The following CSMD1 variants were observed in gnomAD, a reference collection of about 807,000 sequenced individuals.
CSMD1 encodes the protein CUB and sushi domain-containing protein 1.
Under a neutral mutation model 417.5 loss-of-function variants are expected in CSMD1, and 213 were observed. That is an observed-to-expected ratio of 0.51 (90% confidence interval 0.46 to 0.57). The LOEUF is 0.57. Ranked by LOEUF, CSMD1 falls within the 20% of genes least tolerant of loss-of-function variation. The pLI is 0.00. For missense variants in CSMD1, 6,923 were observed against 4,529.7 expected, an observed-to-expected ratio of 1.53 and a Z score of -15.17; for synonymous variants, 2,862 against 1,736.8, an observed-to-expected ratio of 1.65 and a Z score of -16.11.
chr8:3,920,216 G>C (rs373177528), intron 5 of CSMD1, among the ~76,000 whole-genome samples: 1 of 151,850 alleles, frequency 6.6e-6, no homozygotes, highest in Non-Finnish European at 1.5e-5. Context: ...CATATTTTTA[G>C]TAAAGACAGG....
Position 4,898,470 on chromosome 8 carries a change from C to G in CSMD1, c.85+95862G>C, listed in dbSNP as rs137975791. Among the ~76,000 whole-genome samples the G allele has an allele frequency of 9.3e-3, 1,409 of 151,460 alleles. 24 individuals are homozygous for G. The highest frequency in any genetic ancestry group is 0.032 in the African/African-American group (1,314 of 40,834). On this transcript the variant is annotated intron_variant, in intron 1 of 69. Transcript: ENST00000635120. ...GGGTGTAGAAAGTGTAAGTGAGAGC[C>G]GACCAAAATCCAAATGCTTGCCTGC...
intron 5 of CSMD1, among the ~76,000 whole-genome samples, chr8:3,807,082 C>T (rs538688484): frequency 6.6e-6 from 1 of 152,182 alleles, no homozygotes; most frequent in South Asian, 2.1e-4. Flanking sequence ...CCATGGCTTC[C>T]CCCACGCACT....
chr8:3,886,548 T>TA (rs1585141253), intron 5 of CSMD1, among the ~76,000 whole-genome samples: 1 of 152,226 alleles, frequency 6.6e-6, no homozygotes, highest in African/African-American at 2.4e-5. Context: ...GACAGCACTT[T>TA]AATGACGAAG....
At chr8:3,416,548 G>A (rs1020161986) in intron 12 of CSMD1, among the ~76,000 whole-genome samples, 12 of 152,158 alleles carry the variant, frequency 7.9e-5, no homozygotes, top group African/African-American at 2.7e-4. Flanking sequence ...AGACATAACT[G>A]TGCCGTCAGA....
chr8:4,535,437 G>C (rs1328757184), intron 2 of CSMD1, among the ~76,000 whole-genome samples: 1 of 152,078 alleles, frequency 6.6e-6, no homozygotes, highest in African/African-American at 2.4e-5. Context: ...TCTGCTTGTA[G>C]ATTTGCTTTG....
intron 12 of CSMD1, 149 bp from the exon 13 acceptor site, chr8:3,409,754 T>G: frequency 5.0e-6 from 3 of 605,078 alleles, no homozygotes; most frequent in South Asian, 2.7e-5. Flanking sequence ...CAATTGATCT[T>G]AAATTTAATT....
At chr8:4,521,285 T>A (rs994353485) in intron 2 of CSMD1, among the ~76,000 whole-genome samples, 1 of 152,158 alleles carries the variant, frequency 6.6e-6, no homozygotes, top group Non-Finnish European at 1.5e-5. Context: ...GAAGGAAGAA[T>A]GAATTTTCCT....
At chr8:3,903,355 C>A (rs1257352917) in intron 5 of CSMD1, among the ~76,000 whole-genome samples, 7 of 151,886 alleles carry the variant, frequency 4.6e-5, no homozygotes, top group African/African-American at 9.7e-5. Flanking sequence ...ACTCAACCTA[C>A]AGGGTTCAAC....
chr8:2,962,657 G>C lies in CSMD1; in HGVS notation c.9455-18C>G. 1 of 1,610,008 alleles carries C rather than the reference G, an allele frequency of 6.2e-7. No homozygotes were observed. Among genetic ancestry groups the C allele is most frequent in the Non-Finnish European group, 8.5e-7 (1 of 1,177,522 alleles). On this transcript the variant is annotated intron_variant, in intron 60 of 69. Transcript: ENST00000635120. Reference sequence around the variant, plus strand: ...GAACACAGCTATGGAAGATAACCAGGAAGAAGTCAGCCTTCAACGTCCCTG... The same window carrying C: ...GAACACAGCTATGGAAGATAACCAGCAAGAAGTCAGCCTTCAACGTCCCTG...
intron 37 of CSMD1, among the ~76,000 whole-genome samples, chr8:3,164,284 G>A (rs139444676): frequency 6.6e-5 from 10 of 152,272 alleles, no homozygotes; most frequent in South Asian, 2.1e-4. Flanking sequence ...GGAGTGCCAC[G>A]AACTTTTTCT....
intron 1 of CSMD1, among the ~76,000 whole-genome samples, chr8:4,652,790 G>T (rs1017027771): frequency 6.6e-6 from 1 of 152,170 alleles, no homozygotes; most frequent in African/African-American, 2.4e-5. Flanking sequence ...TCTGTGAAGG[G>T]TGTGGGGATG....
chr8:4,985,089 T>C (rs372736893), intron 1 of CSMD1, among the ~76,000 whole-genome samples: 8 of 152,296 alleles, frequency 5.3e-5, no homozygotes, highest in African/African-American at 1.9e-4. Context: ...GAGGCCATTA[T>C]CCTTATCAAA....
chr8:4,635,141 T>C (rs2724970), intron 2 of CSMD1, among the ~76,000 whole-genome samples: 131,023 of 151,898 alleles, frequency 0.86, 56,884 homozygotes, highest in African/African-American at 0.96. Context: ...CATATGAACC[T>C]AAGTAGGCTC....
At chr8:3,009,571 A>G (rs1341821286) in intron 52 of CSMD1, among the ~76,000 whole-genome samples, 1 of 152,336 alleles carries the variant, frequency 6.6e-6, no homozygotes, top group South Asian at 2.1e-4. Context: ...TATTAGCAGT[A>G]CACTTCAACG....
intron 3 of CSMD1, among the ~76,000 whole-genome samples, chr8:4,228,427 G>A (rs1455607147): frequency 2.0e-5 from 3 of 152,000 alleles, no homozygotes; most frequent in South Asian, 4.1e-4. Flanking sequence ...TTAAGCAGCA[G>A]CACCTACACT....
intron 7 of CSMD1, among the ~76,000 whole-genome samples, chr8:3,641,406 A>C (rs1398120343): frequency 6.6e-6 from 1 of 152,148 alleles, no homozygotes; most frequent in Non-Finnish European, 1.5e-5. Flanking sequence ...TAGAAGCAGA[A>C]ATAAAAATTG....
At chr8:4,407,985 G>A (rs567869504) in intron 3 of CSMD1, among the ~76,000 whole-genome samples, 19 of 152,216 alleles carry the variant, frequency 1.2e-4, no homozygotes, top group Admixed American at 6.5e-4. Flanking sequence ...AAAAATCACA[G>A]GAGAAAACTG....
At chr8:4,303,444 T>TGAG (rs1798088377) in intron 3 of CSMD1, among the ~76,000 whole-genome samples, 1 of 30,012 alleles carries the variant, frequency 3.3e-5, no homozygotes, top group Non-Finnish European at 5.7e-5. Context: ...TTTTTTTTTT[T>TGAG]TTTTTTTTTT....
chr8:4,320,027 C>T (rs940173073), intron 3 of CSMD1, among the ~76,000 whole-genome samples: 2 of 151,926 alleles, frequency 1.3e-5, no homozygotes, highest in African/African-American at 4.8e-5. Context: ...AGTACCACCT[C>T]AACAATGAAA....
Sources: gnomAD v4.1 joint callset for allele counts (sites outside exome capture counted in the v4.1 genomes callset) on GRCh38, gnomAD v4.1.1 for gene constraint, MANE v1.5 for transcripts, NCBI Gene and HGNC (gene_info 2026-07-23, HGNC 2026-07-21) for gene names.